The following BICD1 variants were observed in gnomAD, a reference collection of about 807,000 sequenced individuals.
The protein encoded by BICD1 is protein bicaudal D homolog 1.
Under a neutral mutation model 92.5 loss-of-function variants are expected in BICD1, and 35 were observed. The observed-to-expected ratio is 0.38, with a 90% CI of 0.29 to 0.50. The LOEUF (loss-of-function observed/expected upper bound fraction) is 0.50. BICD1 is among the 20% of genes least tolerant of loss of function. BICD1 has a pLI of 0.93. For missense variants in BICD1, 950 were observed against 1,189.8 expected, an observed-to-expected ratio of 0.80 and a Z score of 2.97; for synonymous variants, 429 against 465.1, an observed-to-expected ratio of 0.92 and a Z score of 1.00.
At chr12:32,351,992 G>A (rs938899242) in intron 8 of BICD1, among the ~76,000 whole-genome samples, 2 of 150,876 alleles carry the variant, frequency 1.3e-5, no homozygotes, top group African/African-American at 4.9e-5. Context: ...GGATCACAAG[G>A]TCAGGAGTTT....
chr12:32,190,649 G>A (rs1188359476), intron 1 of BICD1, among the ~76,000 whole-genome samples: 1 of 152,172 alleles, frequency 6.6e-6, no homozygotes, highest in Non-Finnish European at 1.5e-5. Context: ...TACAACAATA[G>A]CAGGATGCCT....
chr12:32,293,784 A>G (rs2136193285), intron 2 of BICD1, among the ~76,000 whole-genome samples: 1 of 152,324 alleles, frequency 6.6e-6, no homozygotes, highest in Non-Finnish European at 1.5e-5. Flanking sequence ...AAACATACTT[A>G]AGAATGATTT....
chr12:32,351,175 A>C (rs1285480782), intron 8 of BICD1, among the ~76,000 whole-genome samples: 2 of 133,252 alleles, frequency 1.5e-5, no homozygotes, highest in Non-Finnish European at 3.3e-5. Flanking sequence ...AAAAAAAAAA[A>C]AAAAACTTCC....
In BICD1 at chr12:32,337,839, A is replaced by G. The variant is rs939702037; in HGVS notation, c.2570+23A>G. The G allele has an allele frequency of 2.5e-6, 4 of 1,607,226 alleles. No individual in the cohort carries two copies. The highest frequency in any genetic ancestry group is 1.7e-5 in the Admixed American group (1 of 59,914). ...AAGGTATGCATGCAGCGATCTTCAT[A>G]GTACGGTGCAGTGGCCAGATTTTAG... On this transcript the variant is annotated intron_variant, in intron 7 of 9. Coordinates refer to ENST00000652176, the MANE Select transcript of BICD1 (RefSeq NM_001714.4). The surrounding 1 kb of genome is among the most constrained non-coding windows in gnomAD (Gnocchi z 4.7).
At chr12:32,208,038 A>T (rs908657795) in intron 1 of BICD1, among the ~76,000 whole-genome samples, 1 of 152,204 alleles carries the variant, frequency 6.6e-6, no homozygotes, top group African/African-American at 2.4e-5. Context: ...ATATTTAATA[A>T]GCATTTACTG....
chr12:32,266,709 A>T (rs161979), intron 2 of BICD1, among the ~76,000 whole-genome samples: 99,196 of 151,824 alleles, frequency 0.65, 32,962 homozygotes, highest in African/African-American at 0.78. Flanking sequence ...ATATAAAAAA[A>T]TAGCCAGGCG....
At chr12:32,355,537 C>T (rs1448013205) in intron 8 of BICD1, among the ~76,000 whole-genome samples, 1 of 152,180 alleles carries the variant, frequency 6.6e-6, no homozygotes, top group South Asian at 2.1e-4. Flanking sequence ...CGCAGTGGCT[C>T]ACACCTGTAA....
intron 4 of BICD1, among the ~76,000 whole-genome samples, chr12:32,310,690 A>G (rs1948347991): frequency 6.6e-6 from 1 of 152,320 alleles, no homozygotes; most frequent in Middle Eastern, 3.4e-3. Context: ...TAAGTAAAAA[A>G]CAAACGTTTA....
intron 3 of BICD1, among the ~76,000 whole-genome samples, chr12:32,302,525 G>A (rs909179336): frequency 3.9e-5 from 6 of 152,160 alleles, no homozygotes; most frequent in African/African-American, 1.4e-4. Context: ...ATAACTCCTT[G>A]GAGTTGTGAA....
rs1948822725 is a variant in BICD1 at position 32,327,683 on chromosome 12, A to G, written c.1228A>G (p.Ile410Val). 5 of 1,614,184 alleles carry G rather than the reference A, an allele frequency of 3.1e-6. No individual in the cohort carries two copies. The highest frequency in any genetic ancestry group is 3.4e-6 in the Non-Finnish European group (4 of 1,180,014). ...GEEAHDYEVD[I>V]NGLEILECKY... Reference sequence around the variant, plus strand: ...GGAGGCCCATGACTATGAGGTGGACATCAATGGTTTAGAGATCCTTGAATG... The same window carrying G: ...GGAGGCCCATGACTATGAGGTGGACGTCAATGGTTTAGAGATCCTTGAATG... The change falls in exon 5 of 10, where the codon ATC (isoleucine) becomes GTC (valine). Residue 410 changes from isoleucine to valine, a missense_variant. This residue lies in a region of BICD1 where 246 missense variants were observed against 258.4 expected (regional missense o/e 0.95). Coordinates refer to ENST00000652176, the MANE Select transcript of BICD1 (RefSeq NM_001714.4).
At chr12:32,132,455 G>C (rs1942585073) in intron 1 of BICD1, among the ~76,000 whole-genome samples, 1 of 150,384 alleles carries the variant, frequency 6.6e-6, no homozygotes, top group Non-Finnish European at 1.5e-5. Context: ...AGAATGAACT[G>C]GGTTTTTGTG....
chr12:32,365,638 TA>T (rs1191295991), intron 8 of BICD1, among the ~76,000 whole-genome samples: 3 of 152,110 alleles, frequency 2.0e-5, no homozygotes, highest in African/African-American at 7.2e-5. Context: ...TTTACCCAAA[TA>T]CACCATCGGA....
chr12:32,334,811 C>A, intron 6 of BICD1, 144 bp downstream of exon 6: 1 of 879,228 alleles, frequency 1.1e-6, no homozygotes, highest in Non-Finnish European at 1.6e-6. Context: ...GAAGTCCACT[C>A]TGACGTATCT....
chr12:32,301,955 C>T (rs570882147), intron 3 of BICD1, among the ~76,000 whole-genome samples: 1 of 152,102 alleles, frequency 6.6e-6, no homozygotes. Context: ...GGCGCGATCT[C>T]GGCTCACTGC....
chr12:32,177,690 A>G (rs909921026), intron 1 of BICD1, among the ~76,000 whole-genome samples: 1 of 12,662 alleles, frequency 7.9e-5, no homozygotes, highest in African/African-American at 3.4e-4. Context: ...ACATTATTAA[A>G]GTTAAATGAT....
At position 32,187,944 on chromosome 12, in the gene BICD1, A is replaced by ATTT. The variant is rs35813557; in HGVS notation, c.214-28292_214-28290dup. ...GCAGGCTGGAATCTACTATAAATGC[A>ATTT]TTTTTTTTTTTTTAGACGGAGTCTC... is the stretch of plus-strand genomic sequence containing the variant. On this transcript the variant is annotated intron_variant, in intron 1 of 9. Coordinates refer to ENST00000652176, the MANE Select transcript of BICD1 (RefSeq NM_001714.4). 4.0e-3 allele frequency among the ~76,000 whole-genome samples: 589 copies of ATTT among 147,452 alleles called. 1 individual carries two copies. Among genetic ancestry groups the ATTT allele is most frequent in the African/African-American group, 0.014 (562 of 40,370 alleles).
chr12:32,369,758 T>C (rs763015993), intron 9 of BICD1, among the ~76,000 whole-genome samples: 14 of 151,752 alleles, frequency 9.2e-5, no homozygotes, highest in Non-Finnish European at 1.6e-4. Context: ...TTTTTTAAAT[T>C]AGCCAGGTAT....
intron 3 of BICD1, among the ~76,000 whole-genome samples, chr12:32,295,896 G>A (rs551039272): frequency 5.9e-5 from 9 of 152,070 alleles, no homozygotes; most frequent in African/African-American, 1.9e-4. Context: ...CAAGTGATCC[G>A]TCCACCTCAG....
chr12:32,128,095 G>C lies in BICD1; in HGVS notation c.213+20551G>C, dbSNP rs936860255. 3.3e-5 allele frequency among the ~76,000 whole-genome samples: 5 copies of C among 152,228 alleles called. 1 individual carries two copies. The highest frequency in any genetic ancestry group is 1.3e-4 in the Admixed American group (2 of 15,280). On this transcript the variant is annotated intron_variant, in intron 1 of 9. Coordinates refer to ENST00000652176, the MANE Select transcript of BICD1 (RefSeq NM_001714.4). ...ATTTTTGTATTTTTAGTAGAGACAGGGTTTCACCGTGTTGGCCAGGCTGGT... is the reference window on the plus strand; with the variant it reads ...ATTTTTGTATTTTTAGTAGAGACAGCGTTTCACCGTGTTGGCCAGGCTGGT...
Sources: gnomAD v4.1 joint callset for allele counts (sites outside exome capture counted in the v4.1 genomes callset) on GRCh38, gnomAD v4.1.1 for gene constraint, gnomAD v4.1.1 regional missense constraint, Gnocchi (gnomAD v3.1) non-coding constraint, MANE v1.5 for transcripts, NCBI Gene and HGNC (gene_info 2026-07-23, HGNC 2026-07-21) for gene names.